Variants in SHISAL1 observed in about 807,000 individuals in gnomAD.
SHISAL1 encodes protein shisa-like-1.
In SHISAL1, 9 loss-of-function variants were observed where a neutral mutation model predicts 22.6. The observed-to-expected ratio is 0.40, with a 90% CI of 0.24 to 0.70. SHISAL1 has a LOEUF of 0.70. Among genes scored for constraint, SHISAL1 ranks in the 30% least tolerant of loss-of-function variants. The pLI, the probability that SHISAL1 is intolerant of heterozygous loss-of-function variation, is 0.39. For synonymous variants in SHISAL1, 119 were observed against 115.4 expected, an observed-to-expected ratio of 1.03 and a Z score of -0.20; for missense variants, 246 against 270.6, an observed-to-expected ratio of 0.91 and a Z score of 0.64.
chr22:44,274,962 C>G (rs1363804780), intron 4 of SHISAL1, among the ~76,000 whole-genome samples: 2 of 152,218 alleles, frequency 1.3e-5, no homozygotes, highest in African/African-American at 4.8e-5. Flanking sequence ...AACACTGAGG[C>G]TCAGGGGAGC....
chr22:44,258,023 A>C (rs1467457881), intron 4 of SHISAL1, among the ~76,000 whole-genome samples: 1 of 152,138 alleles, frequency 6.6e-6, no homozygotes. Flanking sequence ...ACCTGTAATC[A>C]CAGCTACTCG....
At chr22:44,258,760 TATA>T (rs1380067075) in intron 4 of SHISAL1, among the ~76,000 whole-genome samples, 2 of 152,208 alleles carry the variant, frequency 1.3e-5, no homozygotes, top group African/African-American at 2.4e-5. Context: ...GTCTTGCACA[TATA>T]ATGTTGGGTC....
chr22:44,304,137 T>C (rs1222201104), intron 1 of SHISAL1, among the ~76,000 whole-genome samples: 1 of 152,066 alleles, frequency 6.6e-6, no homozygotes, highest in East Asian at 1.9e-4. Flanking sequence ...CCTCCAGAGC[T>C]CACAGCCTGG....
chr22:44,315,285 C>T (rs184245016), upstream of SHISAL1, among the ~76,000 whole-genome samples: 122 of 152,154 alleles, frequency 8.0e-4, no homozygotes, highest in Admixed American at 1.6e-3. Flanking sequence ...ATTACAGTAC[C>T]CCCCAGCCCC....
intron 3 of SHISAL1, among the ~76,000 whole-genome samples, chr22:44,287,213 A>G (rs2055322398): frequency 6.6e-6 from 1 of 152,210 alleles, no homozygotes; most frequent in Non-Finnish European, 1.5e-5. Context: ...CTCGACTTCC[A>G]GGCTCCAGAT....
intron 4 of SHISAL1, 94 bp downstream of exon 4, chr22:44,285,334 G>A: frequency 1.5e-6 from 2 of 1,350,226 alleles, no homozygotes; most frequent in African/African-American, 2.9e-5. Flanking sequence ...GGCAACCAAT[G>A]AGCCAAACAC....
intron 4 of SHISAL1, among the ~76,000 whole-genome samples, chr22:44,268,008 G>T (rs530667603): frequency 1.3e-5 from 2 of 152,342 alleles, no homozygotes; most frequent in South Asian, 4.1e-4. Flanking sequence ...TGGGAGTGGG[G>T]TCAACAGGGA....
chr22:44,260,079 C>A (rs1030074876), intron 4 of SHISAL1, among the ~76,000 whole-genome samples: 1 of 152,200 alleles, frequency 6.6e-6, no homozygotes, highest in Non-Finnish European at 1.5e-5. Context: ...GACTACCCGA[C>A]TGAGAAGACA....
chr22:44,267,597 CCT>C (rs1333734835), intron 4 of SHISAL1, among the ~76,000 whole-genome samples: 2 of 152,312 alleles, frequency 1.3e-5, no homozygotes, highest in East Asian at 1.9e-4. Context: ...CGAGGGCACC[CCT>C]GTCCCTGGAC....
At chr22:44,311,607 T>A (rs139798180) in intron 1 of SHISAL1, among the ~76,000 whole-genome samples, 160 of 152,342 alleles carry the variant, frequency 1.1e-3, no homozygotes, top group African/African-American at 3.7e-3. Flanking sequence ...TAGGCACCAC[T>A]GTGATCCCAT....
upstream of SHISAL1, among the ~76,000 whole-genome samples, chr22:44,313,874 G>A (rs34014753): frequency 0.045 from 6,784 of 152,228 alleles, 212 homozygotes; most frequent in Non-Finnish European, 0.062. Flanking sequence ...ATTCCTTTCG[G>A]TGGACAGAGA....
intron 4 of SHISAL1, among the ~76,000 whole-genome samples, chr22:44,283,553 C>T (rs952499794): frequency 9.2e-5 from 14 of 152,154 alleles, no homozygotes; most frequent in Non-Finnish European, 1.5e-4. Context: ...AGCACAGTGA[C>T]GTAGGAAATG....
At chr22:44,254,189 T>C (rs2055069011) in intron 4 of SHISAL1, among the ~76,000 whole-genome samples, 1 of 151,916 alleles carries the variant, frequency 6.6e-6, no homozygotes, top group African/African-American at 2.4e-5. Flanking sequence ...AAAACACTGA[T>C]CTTATTAATA....
chr22:44,283,593 G>A (rs1355972043), intron 4 of SHISAL1, among the ~76,000 whole-genome samples: 1 of 152,346 alleles, frequency 6.6e-6, no homozygotes, highest in African/African-American at 2.4e-5. Context: ...CAGGAAAACA[G>A]CACCCAGGTG....
Position 44,286,014 on chromosome 22 carries a change from C to A in SHISAL1, c.282-269G>T, listed in dbSNP as rs560542181. ...TCCTTGGGCTGGGATCCCTGAGGGT[C>A]CCACAGAGTCAGACACTTTGGGGGG... On this transcript the variant is annotated intron_variant, in intron 3 of 4. Coordinates refer to ENST00000381176, the MANE Select transcript of SHISAL1 (RefSeq NM_001099294.2). Among the ~76,000 whole-genome samples the A allele has an allele frequency of 1.5e-4, 23 of 152,294 alleles. No individual in the cohort carries two copies. In the South Asian group the frequency reaches 4.8e-3, roughly 32 times the overall value.
chr22:44,249,974 TACATAGA>T (rs2055035855), intron 4 of SHISAL1, among the ~76,000 whole-genome samples: 1 of 152,210 alleles, frequency 6.6e-6, no homozygotes, highest in African/African-American at 2.4e-5. Context: ...GTGGATAACT[TACATAGA>T]AAATTTAACA....
intron 4 of SHISAL1, among the ~76,000 whole-genome samples, chr22:44,253,737 C>T (rs1315243432): frequency 6.6e-5 from 10 of 151,840 alleles, no homozygotes; most frequent in East Asian, 1.9e-4. Context: ...CCACCATGCC[C>T]GGCCTAGTGC....
intron 4 of SHISAL1, among the ~76,000 whole-genome samples, chr22:44,280,154 C>A (rs1325261260): frequency 6.6e-6 from 1 of 152,062 alleles, no homozygotes; most frequent in Non-Finnish European, 1.5e-5. Flanking sequence ...AGATGTGGGG[C>A]AGAGCACATT....
intron 4 of SHISAL1, among the ~76,000 whole-genome samples, chr22:44,251,592 G>A (rs2055048001): frequency 6.6e-6 from 1 of 152,186 alleles, no homozygotes; most frequent in African/African-American, 2.4e-5. Context: ...GTCTGGGGAG[G>A]CCTCACAATC....
Sources: allele counts gnomAD v4.1 joint callset (sites outside exome capture counted in the v4.1 genomes callset), GRCh38; gene constraint gnomAD v4.1.1; transcripts MANE v1.5; gene names NCBI Gene and HGNC (gene_info 2026-07-23, HGNC 2026-07-21).